The following MDN1 variants were observed in gnomAD, a reference collection of about 807,000 sequenced individuals.
MDN1 encodes midasin AAA ATPase 1, also known as midasin.
MDN1 carries 266 observed loss-of-function variants against 669.2 expected under a neutral mutation model. The observed-to-expected ratio is 0.40, with a 90% CI of 0.36 to 0.44. MDN1 has a LOEUF of 0.44. Among genes scored for constraint, MDN1 ranks in the 20% least tolerant of loss-of-function variants. The pLI, the probability that MDN1 is intolerant of heterozygous loss-of-function variation, is 1.00. For missense variants in MDN1, 5,940 were observed against 6,754.0 expected, an observed-to-expected ratio of 0.88 and a Z score of 4.22; for synonymous variants, 2,385 against 2,457.1, an observed-to-expected ratio of 0.97 and a Z score of 0.87.
intron 3 of MDN1, 34 bp from the exon 4 acceptor site, chr6:89,794,241 TC>T (rs1251137330): frequency 8.3e-7 from 1 of 1,209,494 alleles, no homozygotes; most frequent in Non-Finnish European, 1.2e-6. Context: ...ATTCAGTTTA[TC>T]TGCAGTTGAT....
chr6:89,771,149 T>C (rs1818060478), intron 15 of MDN1, among the ~76,000 whole-genome samples: 1 of 151,756 alleles, frequency 6.6e-6, no homozygotes, highest in East Asian at 1.9e-4. Flanking sequence ...CTCAAGGGAG[T>C]TTACCCTTTT....
chr6:89,710,018 A>C (rs1166080202), intron 50 of MDN1, among the ~76,000 whole-genome samples: 1 of 152,098 alleles, frequency 6.6e-6, no homozygotes, highest in Non-Finnish European at 1.5e-5. Context: ...CTCCTCTCTC[A>C]ACCTCCCAGG....
Position 89,740,237 on chromosome 6 carries a change from CT to C in MDN1, c.4589del (p.Lys1530ArgfsTer7). 6.2e-7 allele frequency: 1 copy of C among 1,611,388 alleles called. No individual in the cohort carries two copies. Among genetic ancestry groups the C allele is most frequent in the Non-Finnish European group, 8.5e-7 (1 of 1,179,132 alleles). On this transcript the variant is annotated frameshift_variant, in exon 32 of 102. Coordinates refer to ENST00000369393, the MANE Select transcript of MDN1 (RefSeq NM_014611.3). LOFTEE classifies it high-confidence loss of function. ...ATGTGCATCAGTAAAGTTTTACCTC[CT>C]TTTTTCCAAAGTCACCCCCAGGGTT... The part of the protein sequence containing the change: ...TMNPGGDFGK[K>X]ELSPALRNRF...
At chr6:89,782,246 C>T (rs1389911455) in intron 9 of MDN1, among the ~76,000 whole-genome samples, 3 of 152,170 alleles carry the variant, frequency 2.0e-5, no homozygotes, top group Non-Finnish European at 4.4e-5. Context: ...TCTTAAATTA[C>T]TATTTAATTT....
chr6:89,756,436 C>A, intron 19 of MDN1, 46 bp from the exon 20 acceptor site: 1 of 893,400 alleles, frequency 1.1e-6, no homozygotes. Flanking sequence ...GTTAATATAA[C>A]TATGTTGACA....
chr6:89,645,050 C>G lies in MDN1; in HGVS notation c.16567G>C (p.Val5523Leu). ...VQAARNANIF[V>L]IFVVLDNPSS... ...GGATTGTCCAATACAACAAAGATGA[C>G]AAAGATATTTGCATTCCGGGCAGCC... The change falls in exon 101 of 102, where the codon GTC becomes CTC. Residue 5523 changes from valine to leucine, a missense_variant. Around this residue, in one of 5 missense-constraint regions of MDN1, gnomAD observed 2,280 missense variants for 2,576.3 expected, o/e 0.88. Transcript: ENST00000369393. 1 of 1,609,234 alleles carries G rather than the reference C, an allele frequency of 6.2e-7. No homozygotes were observed. The highest frequency in any genetic ancestry group is 8.5e-7 in the Non-Finnish European group (1 of 1,175,860).
intron 1 of MDN1, among the ~76,000 whole-genome samples, chr6:89,816,262 C>G (rs1768820767): frequency 1.3e-5 from 2 of 151,806 alleles, no homozygotes. Context: ...TAGCCAGGCG[C>G]AGTGGCAGGT....
At chr6:89,772,061 G>A (rs1464322636) in intron 14 of MDN1, among the ~76,000 whole-genome samples, 1 of 152,178 alleles carries the variant, frequency 6.6e-6, no homozygotes, top group East Asian at 1.9e-4. Context: ...CCCAGAAGTT[G>A]GAGACCAACC....
At chr6:89,720,466 C>A (rs1352053628) in intron 40 of MDN1, among the ~76,000 whole-genome samples, 2 of 151,758 alleles carry the variant, frequency 1.3e-5, no homozygotes, top group Non-Finnish European at 2.9e-5. Context: ...AAATTCCATT[C>A]AACTGGACTC....
chr6:89,656,783 C>A lies in MDN1; in HGVS notation c.15202G>T (p.Ala5068Ser), dbSNP rs202071261. ...TGGCCTTCTGCCTGGTTTGCATCTG[C>A]AGCTCCACTTCCGTGTTCCTAGGAA... is the stretch of plus-strand genomic sequence containing the variant. ...QGKEEHGSGA[A>S]DANQAEGHES... The change falls in exon 91 of 102, where the codon GCA (alanine) becomes TCA (serine). Residue 5068 changes from alanine (A) to serine (S), a missense_variant. Physicochemically the swap from Ala to Ser is moderately conservative, Grantham distance 99. This residue lies in a region of MDN1 where 2,280 missense variants were observed against 2,576.3 expected (regional missense o/e 0.88). Transcript: ENST00000369393. 4.2e-5 allele frequency: 68 copies of A among 1,613,468 alleles called. No individual in the cohort carries two copies. In the East Asian group the frequency reaches 1.5e-3, roughly 35 times the overall value.
chr6:89,771,079 T>C (rs1421254360), intron 15 of MDN1, among the ~76,000 whole-genome samples: 2 of 152,142 alleles, frequency 1.3e-5, no homozygotes, highest in Admixed American at 6.5e-5. Context: ...CAAAGCACCA[T>C]ACACACTGAT....
rs758248559 is a variant in MDN1, at chr6:89,654,210, C to T, written c.15615G>A (p.Glu5205=). 8.7e-6 allele frequency: 14 copies of T among 1,614,122 alleles called. No homozygotes were observed. In the Admixed American group the frequency reaches 2.3e-4, roughly 27 times the overall value. The part of the protein sequence containing the change: ...EQEEFKAADV[E]QLKPEEIKSG... ...ACTTGATTTCCTCTGGCTTCAGCTG[C>T]TCCACGTCTGCTGCTTTGAACTCCT... The change falls in exon 93 of 102, where the codon GAG becomes GAA. Residue 5205 remains glutamate (E), a synonymous_variant. Coordinates refer to ENST00000369393, the MANE Select transcript of MDN1 (RefSeq NM_014611.3).
In MDN1 at chr6:89,778,759, G is replaced by A. The variant is rs1004651895; in HGVS notation, c.1725+1453C>T. On this transcript the variant is annotated intron_variant, in intron 11 of 101. Transcript: ENST00000369393. Reference sequence around the variant, plus strand: ...AAATTAGCTGGGTGTGGTGGTGGGCGCCTGTAGTCCCAGTTACTCGGGAGG... The same window carrying A: ...AAATTAGCTGGGTGTGGTGGTGGGCACCTGTAGTCCCAGTTACTCGGGAGG... Among the ~76,000 whole-genome samples, 23 of 151,856 alleles carry A rather than the reference G, an allele frequency of 1.5e-4. 1 individual carries two copies. The highest frequency in any genetic ancestry group is 5.1e-4 in the African/African-American group (21 of 41,412).
intron 1 of MDN1, among the ~76,000 whole-genome samples, chr6:89,815,838 G>C (rs1768788581): frequency 6.6e-6 from 1 of 152,018 alleles, no homozygotes; most frequent in East Asian, 1.9e-4. Flanking sequence ...AGGCCCTTGG[G>C]GGCACCACTC....
At chr6:89,790,818 C>T (rs1409836082) in intron 5 of MDN1, among the ~76,000 whole-genome samples, 4 of 152,164 alleles carry the variant, frequency 2.6e-5, no homozygotes, top group African/African-American at 9.7e-5. Flanking sequence ...GTCAGGAGTT[C>T]GAGACCAGCC....
chr6:89,758,687 T>C (rs952668856), intron 18 of MDN1, 129 bp downstream of exon 18: 3 of 981,428 alleles, frequency 3.1e-6, no homozygotes, highest in African/African-American at 3.3e-5. Flanking sequence ...AGAAAATTAA[T>C]ATCTAAAGAA....
chr6:89,707,352 T>C lies in MDN1; in HGVS notation c.8014+9A>G. ...TTAATTAGAGAACACAAAAGGTAAA[T>C]GTTCTTACCTTGATGGAATTCAAAG... On this transcript the variant is annotated intron_variant, in intron 52 of 101. Coordinates refer to ENST00000369393, the MANE Select transcript of MDN1 (RefSeq NM_014611.3). 6.4e-7 allele frequency: 1 copy of C among 1,564,910 alleles called. No homozygotes were observed. The highest frequency in any genetic ancestry group is 8.8e-7 in the Non-Finnish European group (1 of 1,135,526).
chr6:89,644,040 A>ACTGT lies in MDN1; in HGVS notation c.16752_16755dup (p.Trp5586ThrfsTer4), dbSNP rs780199873. On this transcript the variant is annotated frameshift_variant, in exon 102 of 102. Coordinates refer to ENST00000369393, the MANE Select transcript of MDN1 (RefSeq NM_014611.3). LOFTEE classifies it high-confidence loss of function. ...TCAGAGGCTGTCACCAACTCAAACC[A>ACTGT]CTGTCTGAGGGCATCGCTGAGTGTC... is the stretch of plus-strand genomic sequence containing the variant. 1.2e-6 allele frequency: 2 copies of ACTGT among 1,613,408 alleles called. No individual in the cohort carries two copies. The highest frequency in any genetic ancestry group is 2.2e-5 in the East Asian group (1 of 44,876).
chr6:89,751,297 A>G, intron 23 of MDN1, 134 bp downstream of exon 23: 1 of 1,173,168 alleles, frequency 8.5e-7, no homozygotes, highest in African/African-American at 1.5e-5. Flanking sequence ...TATAGTACTG[A>G]CTTTTGTAAG....
Sources: allele counts gnomAD v4.1 joint callset (sites outside exome capture counted in the v4.1 genomes callset), GRCh38; gene constraint gnomAD v4.1.1; regional missense constraint gnomAD v4.1.1; transcripts MANE v1.5; gene names NCBI Gene and HGNC (gene_info 2026-07-23, HGNC 2026-07-21).